SPADH: variants seen among roughly 807,000 people sequenced by gnomAD.
The protein encoded by SPADH is CUB domain-containing protein.
chr10:122,674,019 T>G, the SPADH span, among the ~76,000 whole-genome samples: 2 of 152,372 alleles, frequency 1.3e-5, no homozygotes, highest in Non-Finnish European at 2.9e-5. Flanking sequence ...CAACTGGTCA[T>G]AGGAACCCTA....
At chr10:122,675,750 C>T in the SPADH span, 1 of 482,516 alleles carries the variant, frequency 2.1e-6, no homozygotes, top group East Asian at 1.5e-4. Context: ...CCAAATGGAT[C>T]AATGAGAAGG....
the SPADH span, among the ~76,000 whole-genome samples, chr10:122,673,298 C>T: frequency 2.9e-4 from 44 of 152,248 alleles, no homozygotes; most frequent in Non-Finnish European, 4.1e-4. Context: ...GGTGGTCTGA[C>T]GGCAGGCAGT....
chr10:122,673,852 C>T, the SPADH span, among the ~76,000 whole-genome samples: 8 of 152,182 alleles, frequency 5.3e-5, no homozygotes, highest in African/African-American at 1.4e-4. Context: ...GCCCCATCAC[C>T]GGGTGCTCTC....
chr10:122,673,396 A>G, the SPADH span, among the ~76,000 whole-genome samples: 2 of 152,074 alleles, frequency 1.3e-5, no homozygotes, highest in Admixed American at 1.3e-4. Flanking sequence ...AGCAGGAGGG[A>G]GCTCTGCATC....
chr10:122,676,071 C>T, the SPADH span, among the ~76,000 whole-genome samples: 2 of 152,236 alleles, frequency 1.3e-5, no homozygotes. Flanking sequence ...TCCCTCTAAC[C>T]TGCTTCCTCC....
the SPADH span, chr10:122,675,621 T>G: frequency 1.0e-6 from 1 of 979,636 alleles, no homozygotes; most frequent in Non-Finnish European, 1.2e-6. Flanking sequence ...TGGTTTTTTT[T>G]GTTTTGTTTT....
chr10:122,673,770 G>A, the SPADH span, among the ~76,000 whole-genome samples: 9 of 151,974 alleles, frequency 5.9e-5, no homozygotes, highest in Non-Finnish European at 4.4e-5. Flanking sequence ...TGCCCTTGCC[G>A]GGTCCTTTCC....
At chr10:122,673,241 G>T in the SPADH span, among the ~76,000 whole-genome samples, 8 of 152,324 alleles carry the variant, frequency 5.3e-5, no homozygotes, top group South Asian at 1.7e-3. Flanking sequence ...GGCTCACCCA[G>T]AAGTGGCTGA....
the SPADH span, chr10:122,675,702 C>T: frequency 1.1e-6 from 1 of 945,592 alleles, no homozygotes; most frequent in South Asian, 4.9e-5. Flanking sequence ...ACCCTCTTTC[C>T]CTTGCCTCAC....
the SPADH span, among the ~76,000 whole-genome samples, chr10:122,675,184 A>G: frequency 2.0e-5 from 3 of 152,372 alleles, no homozygotes; most frequent in East Asian, 5.8e-4. Flanking sequence ...AGAAGTGTTT[A>G]TATCAGAGTT....
At chr10:122,674,671 T>C in the SPADH span, among the ~76,000 whole-genome samples, 10 of 152,336 alleles carry the variant, frequency 6.6e-5, no homozygotes, top group East Asian at 7.7e-4. Flanking sequence ...GGATTGCTAA[T>C]TTACTTAGTA....
the SPADH span, among the ~76,000 whole-genome samples, chr10:122,675,078 A>C: frequency 6.6e-6 from 1 of 152,196 alleles, no homozygotes; most frequent in East Asian, 1.9e-4. Flanking sequence ...ATTTCCATAA[A>C]TAAACATGGC....
the SPADH span, among the ~76,000 whole-genome samples, chr10:122,674,530 T>C: frequency 6.6e-6 from 1 of 152,186 alleles, no homozygotes; most frequent in African/African-American, 2.4e-5. Flanking sequence ...AGAGCCAACT[T>C]GATAGAGGCC....
chr10:122,673,288 G>T, the SPADH span, among the ~76,000 whole-genome samples: 1 of 152,202 alleles, frequency 6.6e-6, no homozygotes, highest in African/African-American at 2.4e-5. Flanking sequence ...AGGCTTTCCA[G>T]GTGGTCTGAC....
At chr10:122,676,473 C>T in the SPADH span, among the ~76,000 whole-genome samples, 5 of 152,146 alleles carry the variant, frequency 3.3e-5, no homozygotes, top group African/African-American at 7.2e-5. Flanking sequence ...TCGGGCAATA[C>T]GATTGGTGAG....
the SPADH span, among the ~76,000 whole-genome samples, chr10:122,678,172 C>T: frequency 6.6e-6 from 1 of 152,118 alleles, no homozygotes; most frequent in South Asian, 2.1e-4. Context: ...GAACTGAGAC[C>T]TGCTGGGGCC....
the SPADH span, among the ~76,000 whole-genome samples, chr10:122,675,049 C>G: frequency 6.6e-6 from 1 of 152,166 alleles, no homozygotes; most frequent in African/African-American, 2.4e-5. Flanking sequence ...TTATCTAACT[C>G]CAGTCCCTGA....
chr10:122,673,348 C>T, the SPADH span, among the ~76,000 whole-genome samples: 1 of 152,148 alleles, frequency 6.6e-6, no homozygotes, highest in Non-Finnish European at 1.5e-5. Context: ...TGTCTGGGGA[C>T]TTCTGAGGGG....
At chr10:122,678,239 G>A in the SPADH span, among the ~76,000 whole-genome samples, 1 of 152,146 alleles carries the variant, frequency 6.6e-6, no homozygotes, top group East Asian at 1.9e-4. Flanking sequence ...AGGGAAGTAG[G>A]GAGGTCTCCT....
Sources: allele counts gnomAD v4.1 joint callset (sites outside exome capture counted in the v4.1 genomes callset), GRCh38; gene constraint gnomAD v4.1.1; transcripts MANE v1.5; gene names NCBI Gene and HGNC (gene_info 2026-07-23, HGNC 2026-07-21).